Variants in CDC123 observed in about 807,000 individuals in gnomAD.
CDC123 encodes translation initiation factor eIF2 assembly protein.
A neutral mutation model predicts 54.4 loss-of-function variants in CDC123; 37 were observed. That is an observed-to-expected ratio of 0.68 (90% CI 0.52 to 0.89). The LOEUF (loss-of-function observed/expected upper bound fraction) is 0.89. Among genes scored for constraint, CDC123 ranks in the 40% least tolerant of loss-of-function variants. The pLI, the probability that CDC123 is intolerant of heterozygous loss-of-function variation, is 0.00. For synonymous variants in CDC123, 144 were observed against 136.8 expected, an observed-to-expected ratio of 1.05 and a Z score of -0.37; for missense variants, 361 against 412.1, an observed-to-expected ratio of 0.88 and a Z score of 1.07.
chr10:12,238,886 G>T (rs963812435), intron 10 of CDC123, among the ~76,000 whole-genome samples: 3 of 152,022 alleles, frequency 2.0e-5, no homozygotes, highest in African/African-American at 7.2e-5. Flanking sequence ...GCCAGGCATG[G>T]TGGTGGGTGC....
At chr10:12,235,641 A>G (rs749101030) in intron 8 of CDC123, among the ~76,000 whole-genome samples, 5 of 152,212 alleles carry the variant, frequency 3.3e-5, no homozygotes, top group African/African-American at 4.8e-5. Context: ...TATTGAAGAT[A>G]ATTTGTTCTT....
chr10:12,202,480 G>A (rs941279913), intron 2 of CDC123, among the ~76,000 whole-genome samples: 1 of 151,852 alleles, frequency 6.6e-6, no homozygotes, highest in Non-Finnish European at 1.5e-5. Flanking sequence ...ACCAGCTAAG[G>A]GTCCTCCAGT....
chr10:12,215,695 C>G (rs775687918), intron 4 of CDC123, 45 bp from the exon 5 acceptor site: 7 of 1,149,824 alleles, frequency 6.1e-6, no homozygotes, highest in Non-Finnish European at 9.0e-6. Context: ...TATATATATA[C>G]TGTGATGATA....
intron 10 of CDC123, among the ~76,000 whole-genome samples, chr10:12,244,558 G>C (rs1400291975): frequency 6.6e-6 from 1 of 151,750 alleles, no homozygotes; most frequent in Non-Finnish European, 1.5e-5. Context: ...TCCCTGAGGA[G>C]AGTCACCAAA....
At position 12,209,951 on chromosome 10, in the gene CDC123, G is replaced by A; in HGVS notation, c.147-16G>A. Reference sequence around the variant, plus strand: ...CAAGTCCTTTTCTTTCTTGATGTTTGTTTGTGTTTTTTTAGGGATGATCCA... The same window carrying A: ...CAAGTCCTTTTCTTTCTTGATGTTTATTTGTGTTTTTTTAGGGATGATCCA... On this transcript the variant is annotated splice_polypyrimidine_tract_variant and intron_variant, in intron 2 of 12. Coordinates refer to ENST00000281141, the MANE Select transcript of CDC123 (RefSeq NM_006023.3). The A allele has an allele frequency of 6.2e-7, 1 of 1,613,900 alleles. No individual in the cohort carries two copies. Among genetic ancestry groups the A allele is most frequent in the Non-Finnish European group, 8.5e-7 (1 of 1,179,822 alleles).
intron 6 of CDC123, among the ~76,000 whole-genome samples, chr10:12,221,902 A>G (rs1241264511): frequency 6.6e-6 from 1 of 152,154 alleles, no homozygotes; most frequent in African/African-American, 2.4e-5. Context: ...AAAAGTTTGG[A>G]CACCCCTGGT....
At chr10:12,197,905 AATGAGAC>A (rs1396055595) in intron 1 of CDC123, among the ~76,000 whole-genome samples, 1 of 152,216 alleles carries the variant, frequency 6.6e-6, no homozygotes, top group Non-Finnish European at 1.5e-5. Context: ...TCCATAAATA[AATGAGAC>A]ATGTTATAAG....
rs372552707 is a variant in CDC123, at chr10:12,207,827, A to G, written c.147-2140A>G. Among the ~76,000 whole-genome samples the G allele has an allele frequency of 4.6e-5, 7 of 152,238 alleles. No homozygotes were observed. The East Asian group carries it at 1.2e-3, about 25-fold the overall frequency. On this transcript the variant is annotated intron_variant, in intron 2 of 12. Transcript: ENST00000281141. ...TTCATTTGGGCCATTATGTACCTCAACCCTCTTGAGTTCATTTTTTCCAGA... is the reference window on the plus strand; with the variant it reads ...TTCATTTGGGCCATTATGTACCTCAGCCCTCTTGAGTTCATTTTTTCCAGA...
chr10:12,225,547 C>T (rs1835798839), intron 6 of CDC123, among the ~76,000 whole-genome samples: 1 of 152,062 alleles, frequency 6.6e-6, no homozygotes, highest in African/African-American at 2.4e-5. Context: ...CTGACACACC[C>T]TGAGGTTCAG....
rs1162532131 is a variant in CDC123 at position 12,231,049 on chromosome 10, CTATT to C, written c.489+58_489+61del. The C allele has an allele frequency of 2.8e-6, 4 of 1,433,064 alleles. No individual in the cohort carries two copies. In the East Asian group the frequency reaches 6.9e-5, roughly 25 times the overall value. 88.8% of individuals were successfully genotyped at this position (1,433,064 alleles called of 1,614,324 possible). On this transcript the variant is annotated intron_variant, in intron 7 of 12. Transcript: ENST00000281141. Reference sequence around the variant, plus strand: ...GTAGATGAAGATGTGTTGAGAATTGCTATTTATTCTTAAGTGAAATGAAATGAAT... The same window carrying C: ...GTAGATGAAGATGTGTTGAGAATTGCTATTCTTAAGTGAAATGAAATGAAT...
At chr10:12,206,931 C>T (rs537478713) in intron 2 of CDC123, among the ~76,000 whole-genome samples, 12 of 135,102 alleles carry the variant, frequency 8.9e-5, no homozygotes, top group East Asian at 6.3e-4. Context: ...TGCACTCCAG[C>T]GTGGGCAACA....
chr10:12,250,109 G>A, intron 12 of CDC123: 1 of 496,522 alleles, frequency 2.0e-6, no homozygotes, highest in Admixed American at 3.8e-5. Flanking sequence ...ATGTATGGAA[G>A]AAAGAGAAGA....
intron 2 of CDC123, among the ~76,000 whole-genome samples, chr10:12,203,129 CACCTTCCAGAAGCTCCATGTGTTCA>C (rs1429169968): frequency 2.0e-5 from 3 of 152,190 alleles, no homozygotes; most frequent in Non-Finnish European, 2.9e-5. Flanking sequence ...CTACACGTGC[CACCTTCCAGAAGCTCCATGTGTTCA>C]GCTATCCGGA....
intron 7 of CDC123, among the ~76,000 whole-genome samples, chr10:12,231,396 G>A (rs1206569107): frequency 6.6e-6 from 1 of 152,130 alleles, no homozygotes; most frequent in African/African-American, 2.4e-5. Context: ...GCCGAGGTGG[G>A]TGGATCATCT....
intron 10 of CDC123, 49 bp from the exon 11 acceptor site, chr10:12,246,100 C>A: frequency 6.3e-7 from 1 of 1,583,648 alleles, no homozygotes; most frequent in Non-Finnish European, 8.6e-7. Flanking sequence ...TCTCAGAAGA[C>A]AGAGTACAGA....
At chr10:12,238,379 T>G (rs1564257776) in intron 9 of CDC123, 78 bp from the exon 10 acceptor site, 19 of 1,497,198 alleles carry the variant, frequency 1.3e-5, no homozygotes, top group Non-Finnish European at 1.6e-5. Flanking sequence ...TTGATTAAAA[T>G]GTACTTTAAT....
chr10:12,249,286 A>C (rs2131775143), intron 11 of CDC123, among the ~76,000 whole-genome samples: 1 of 152,012 alleles, frequency 6.6e-6, no homozygotes, highest in East Asian at 1.9e-4. Flanking sequence ...AAATTTAAAA[A>C]ACTCAGCTGG....
chr10:12,247,568 T>C (rs1316177830), intron 11 of CDC123: 1 of 152,524 alleles, frequency 6.6e-6, no homozygotes, highest in East Asian at 1.9e-4. Flanking sequence ...CCCTCTGCTC[T>C]TTTTGCAATT....
At chr10:12,208,732 C>T (rs1242004635) in intron 2 of CDC123, among the ~76,000 whole-genome samples, 2 of 152,094 alleles carry the variant, frequency 1.3e-5, no homozygotes, top group African/African-American at 4.8e-5. Flanking sequence ...GTGTCCTGGA[C>T]CATGAAGAAA....
Sources: allele counts gnomAD v4.1 joint callset (sites outside exome capture counted in the v4.1 genomes callset), GRCh38; gene constraint gnomAD v4.1.1; transcripts MANE v1.5; gene names NCBI Gene and HGNC (gene_info 2026-07-23, HGNC 2026-07-21).